The following FER1L6 variants were observed in gnomAD, a reference collection of about 807,000 sequenced individuals.
FER1L6 encodes fer-1 like family member 6.
Under a neutral mutation model 219.2 loss-of-function variants are expected in FER1L6, and 177 were observed. That is an observed-to-expected ratio of 0.81 (90% CI 0.71 to 0.91). FER1L6 has a LOEUF of 0.91. Among genes scored for constraint, FER1L6 ranks in the 40% least tolerant of loss-of-function variants. The probability of loss-of-function intolerance (pLI) is 0.00; values close to 1 mark genes in which losing one functional copy is unlikely to be tolerated. For missense variants in FER1L6, 2,153 were observed against 2,259.9 expected, an observed-to-expected ratio of 0.95 and a Z score of 0.96; for synonymous variants, 768 against 824.3, an observed-to-expected ratio of 0.93 and a Z score of 1.17.
At chr8:123,986,246 T>G in intron 12 of FER1L6, 70 bp downstream of exon 12, 1 of 942,000 alleles carries the variant, frequency 1.1e-6, no homozygotes, top group South Asian at 1.4e-5. Flanking sequence ...ATAAATGAGT[T>G]AGTGCCTTAC....
At chr8:124,101,069 G>T (rs761688552) in intron 37 of FER1L6, 28 bp from the exon 38 acceptor site, 1 of 1,608,708 alleles carries the variant, frequency 6.2e-7, no homozygotes, top group Non-Finnish European at 8.5e-7. Context: ...TACTCTGAGT[G>T]TTTAAATTAT....
intron 16 of FER1L6, among the ~76,000 whole-genome samples, chr8:124,021,229 T>C (rs999397398): frequency 5.9e-5 from 9 of 152,172 alleles, no homozygotes; most frequent in African/African-American, 1.9e-4. Context: ...CAGTTCAAGA[T>C]GAAATTTGGG....
Position 124,076,319 on chromosome 8 carries a change from T to G in FER1L6, c.4214T>G (p.Phe1405Cys), listed in dbSNP as rs781406355. The change falls in exon 32 of 41, where the codon TTT becomes TGT. Residue 1405 changes from phenylalanine to cysteine, a missense_variant. Coordinates refer to ENST00000522917, the MANE Select transcript of FER1L6 (RefSeq NM_001039112.2). ...ATCCCTAAACAACTGAACCCAGTAT[T>G]TGGAAGGTCAGTGGCCATCTGGGCT... is the stretch of plus-strand genomic sequence containing the variant. ...KYIPKQLNPV[F>C]GRSFEIQATF... 1 of 1,613,756 alleles carries G rather than the reference T, an allele frequency of 6.2e-7. No homozygotes were observed. Among genetic ancestry groups the G allele is most frequent in the Non-Finnish European group, 8.5e-7 (1 of 1,179,688 alleles).
At chr8:123,999,225 G>A (rs1817290183) in intron 12 of FER1L6, among the ~76,000 whole-genome samples, 1 of 152,226 alleles carries the variant, frequency 6.6e-6, no homozygotes. Context: ...GGTGAGTACT[G>A]CCTGGCTACC....
At chr8:123,966,817 C>T (rs1174131435) in intron 5 of FER1L6, among the ~76,000 whole-genome samples, 3 of 152,136 alleles carry the variant, frequency 2.0e-5, no homozygotes, top group East Asian at 1.9e-4. Flanking sequence ...TGCAGTAGCT[C>T]ACGCCTGTAA....
In FER1L6 at chr8:124,069,436, A is replaced by C; in HGVS notation, c.3795A>C (p.Lys1265Asn). 6.2e-7 allele frequency: 1 copy of C among 1,611,172 alleles called. No homozygotes were observed. Among genetic ancestry groups the C allele is most frequent in the Non-Finnish European group, 8.5e-7 (1 of 1,179,054 alleles). The change falls in exon 29 of 41, where the codon AAA becomes AAC. Residue 1265 changes from lysine to asparagine, a missense_variant. Coordinates refer to ENST00000522917, the MANE Select transcript of FER1L6 (RefSeq NM_001039112.2). Reference protein sequence around the residue: ...KKKKDKMLKKKPKDDGIPNLA... With the variant: ...KKKKDKMLKKNPKDDGIPNLA... ...AGAAAGACAAAATGCTCAAGAAGAA[A>C]CCCAAAGATGATGGAATCCCCAACC...
At chr8:124,034,591 C>T (rs1421849701) in intron 18 of FER1L6, among the ~76,000 whole-genome samples, 1 of 152,170 alleles carries the variant, frequency 6.6e-6, no homozygotes, top group Non-Finnish European at 1.5e-5. Flanking sequence ...AATCTGAGCA[C>T]ATTCAAAAGA....
At chr8:123,924,544 A>AAT (rs1563688039) in intron 1 of FER1L6, among the ~76,000 whole-genome samples, 5 of 151,012 alleles carry the variant, frequency 3.3e-5, no homozygotes, top group Middle Eastern at 3.4e-3. Flanking sequence ...CAAAAAAAAA[A>AAT]AAATAAATAA....
At chr8:124,064,663 C>A in intron 26 of FER1L6, 90 bp downstream of exon 26, 2 of 1,086,820 alleles carry the variant, frequency 1.8e-6, no homozygotes, top group South Asian at 1.4e-5. Flanking sequence ...GCAGTGTGAC[C>A]ATGGGCAAGC....
At position 124,119,621 on chromosome 8, in the gene FER1L6, C is replaced by G. The variant is rs1440470465; in HGVS notation, c.5405C>G (p.Ser1802Cys). 2.5e-6 allele frequency: 4 copies of G among 1,612,734 alleles called. No individual in the cohort carries two copies. The highest frequency in any genetic ancestry group is 3.4e-6 in the Non-Finnish European group (4 of 1,178,994). The change falls in exon 41 of 41, where the codon TCC (serine) becomes TGC (cysteine). Residue 1802 changes from serine to cysteine, a missense_variant. By Grantham distance (112) the Ser-to-Cys change is moderately radical (BLOSUM62 -1). Coordinates refer to ENST00000522917, the MANE Select transcript of FER1L6 (RefSeq NM_001039112.2). ...TTCCCCCTCAGCCGCCCAGACACCT[C>G]CTTTTCGTGGTTCATGAGCCCCTTT... ...PLAKPNRPDT[S>C]FSWFMSPFKC...
At chr8:124,060,976 C>T (rs902127906) in intron 24 of FER1L6, among the ~76,000 whole-genome samples, 2 of 152,330 alleles carry the variant, frequency 1.3e-5, no homozygotes, top group East Asian at 1.9e-4. Flanking sequence ...TCAGCATCAG[C>T]ATCACCTGAG....
At chr8:123,988,054 C>A (rs540529136) in intron 12 of FER1L6, among the ~76,000 whole-genome samples, 1 of 151,828 alleles carries the variant, frequency 6.6e-6, no homozygotes, top group South Asian at 2.1e-4. Context: ...GCTGAGATTG[C>A]GCCACTGCAC....
chr8:124,082,568 C>T (rs752246905), intron 33 of FER1L6, 110 bp downstream of exon 33: 5 of 990,066 alleles, frequency 5.1e-6, no homozygotes, highest in Non-Finnish European at 7.5e-6. Flanking sequence ...AGACCAGGCT[C>T]AGCTTTAACG....
rs553419499 is a variant in FER1L6 at position 124,035,289 on chromosome 8, C to T, written c.2299C>T (p.Arg767Ter). Residue 767 changes from arginine (R) to a stop codon, truncating the protein, a stop_gained, in exon 19 of 41, where the codon CGA (arginine) becomes TGA (stop). Coordinates refer to ENST00000522917, the MANE Select transcript of FER1L6 (RefSeq NM_001039112.2). LOFTEE classifies it high-confidence loss of function. ...AACCTTTCTCCAGCCTCCTGGGAAA[C>T]GACCGGCTGGTTGGTCTGTGCAAGC... The part of the protein sequence containing the change: ...KTHFLKPPGK[R>*]PAGWSVQAKV... 18 of 1,613,498 alleles carry T rather than the reference C, an allele frequency of 1.1e-5. No individual in the cohort carries two copies. Among genetic ancestry groups the T allele is most frequent in the African/African-American group, 6.7e-5 (5 of 75,020 alleles).
chr8:123,953,803 G>T (rs892867406), intron 1 of FER1L6, among the ~76,000 whole-genome samples: 2 of 152,210 alleles, frequency 1.3e-5, no homozygotes, highest in Non-Finnish European at 2.9e-5. Context: ...ACTGCTCATG[G>T]CAGGGGGCAC....
At chr8:124,052,566 A>G (rs889183740) in intron 22 of FER1L6, among the ~76,000 whole-genome samples, 4 of 152,182 alleles carry the variant, frequency 2.6e-5, no homozygotes, top group African/African-American at 4.8e-5. Context: ...AGCACGGATC[A>G]CCTGAAGTCA....
At chr8:124,074,294 G>A (rs1233472748) in intron 31 of FER1L6, among the ~76,000 whole-genome samples, 1 of 152,170 alleles carries the variant, frequency 6.6e-6, no homozygotes, top group East Asian at 1.9e-4. Flanking sequence ...GGGCCTTCAG[G>A]TCCAGACCAT....
In FER1L6 at chr8:123,975,413, TCTC is replaced by T. The variant is rs1024859269; in HGVS notation, c.683+108_683+110del. On this transcript the variant is annotated intron_variant, in intron 8 of 40. Coordinates refer to ENST00000522917, the MANE Select transcript of FER1L6 (RefSeq NM_001039112.2). ...ATGGGTACATGAGAACCATGCTTCT[TCTC>T]AGCTTGGTCACCTGGCATTCTGCTC... is the stretch of plus-strand genomic sequence containing the variant. 7.2e-6 allele frequency: 8 copies of T among 1,113,820 alleles called. No individual in the cohort carries two copies. In the African/African-American group the frequency reaches 1.3e-4, roughly 18 times the overall value. The allele number at this position is 1,113,820 out of a possible 1,614,324, so 69.0% of individuals were successfully genotyped here.
intron 39 of FER1L6, among the ~76,000 whole-genome samples, chr8:124,104,650 C>A (rs1822689021): frequency 1.3e-5 from 2 of 152,194 alleles, no homozygotes; most frequent in Non-Finnish European, 1.5e-5. Context: ...CAAATGGGGA[C>A]TGCCAGGCCC....
Sources: allele counts gnomAD v4.1 joint callset (sites outside exome capture counted in the v4.1 genomes callset), GRCh38; gene constraint gnomAD v4.1.1; transcripts MANE v1.5; gene names NCBI Gene and HGNC (gene_info 2026-07-23, HGNC 2026-07-21).